The following SHCBP1L variants were observed in gnomAD, a reference collection of about 807,000 sequenced individuals.
SHCBP1L encodes the protein SHC binding and spindle associated 1 like.
SHCBP1L carries 67 observed loss-of-function variants against 62.5 expected under a neutral mutation model. The ratio of observed to expected loss-of-function variants is 1.07; its 90% CI spans 0.88 to 1.31. The LOEUF is 1.31. Among genes scored for constraint, SHCBP1L ranks in the 40% most tolerant of loss-of-function variants. The probability of loss-of-function intolerance (pLI) is 0.00; values close to 1 mark genes in which losing one functional copy is unlikely to be tolerated. For synonymous variants in SHCBP1L, 284 were observed against 289.4 expected (o/e 0.98, Z 0.19); for missense variants, 823 against 809.8 (o/e 1.02, Z -0.20).
intron 5 of SHCBP1L, among the ~76,000 whole-genome samples, chr1:182,933,531 T>A (rs977737400): frequency 6.6e-5 from 10 of 152,174 alleles, no homozygotes; most frequent in Non-Finnish European, 1.5e-4. Flanking sequence ...AAGTTTTTTT[T>A]AGAGTGTTTA....
At chr1:182,909,488 A>T (rs1407562945) in intron 6 of SHCBP1L, among the ~76,000 whole-genome samples, 1 of 152,230 alleles carries the variant, frequency 6.6e-6, no homozygotes, top group East Asian at 1.9e-4. Flanking sequence ...GTGGTAGAAA[A>T]AAATCAGGAG....
At chr1:182,944,583 C>T (rs1321685268) in intron 2 of SHCBP1L, 1 of 151,682 alleles carries the variant, frequency 6.6e-6, no homozygotes, top group Admixed American at 6.6e-5. Context: ...CAGAGGCAAC[C>T]ATTTTTAACT....
intron 8 of SHCBP1L, among the ~76,000 whole-genome samples, chr1:182,903,791 G>T (rs1053826932): frequency 1.3e-5 from 2 of 152,090 alleles, no homozygotes; most frequent in Admixed American, 1.3e-4. Flanking sequence ...ACTGTGCTTG[G>T]CCTCAAGTTT....
Position 182,952,771 on chromosome 1 carries a change from C to T in SHCBP1L, c.363G>A (p.Glu121=), listed in dbSNP as rs1292619286. 6.2e-7 allele frequency: 1 copy of T among 1,612,038 alleles called. No individual in the cohort carries two copies. Among genetic ancestry groups the T allele is most frequent in the Non-Finnish European group, 8.5e-7 (1 of 1,179,266 alleles). Residue 121 remains glutamate, a synonymous_variant, in exon 1 of 10, where the codon GAG becomes GAA. Transcript: ENST00000367547. ...CTTCGTCGCAATACAGCGACACCTT[C>T]TCGTCCCGCCACATCCCCCTCATAC... ...VSRMRGMWRD[E]KVSLYCDEVL... is the part of the protein sequence containing the mutation.
At chr1:182,925,820 T>C (rs567276168) in intron 6 of SHCBP1L, among the ~76,000 whole-genome samples, 1 of 152,176 alleles carries the variant, frequency 6.6e-6, no homozygotes, top group South Asian at 2.1e-4. Flanking sequence ...ATCCACCAAC[T>C]GATGAATGTA....
intron 1 of SHCBP1L, 154 bp downstream of exon 1, chr1:182,952,575 C>T (rs1651812983): frequency 1.2e-6 from 1 of 866,910 alleles, no homozygotes; most frequent in Non-Finnish European, 1.7e-6. Flanking sequence ...ACAAGGTGAA[C>T]GCTCTATACA....
intron 6 of SHCBP1L, among the ~76,000 whole-genome samples, chr1:182,907,559 A>ATTC (rs1049904575): frequency 2.7e-5 from 4 of 149,844 alleles, no homozygotes; most frequent in African/African-American, 7.4e-5. Flanking sequence ...TATCTTTCTT[A>ATTC]TTCTTATTAT....
intron 1 of SHCBP1L, 25 bp downstream of exon 1, chr1:182,952,704 G>C: frequency 6.4e-7 from 1 of 1,574,316 alleles, no homozygotes. Flanking sequence ...TCCGACCGTA[G>C]TCTTCCTGTC....
intron 6 of SHCBP1L, among the ~76,000 whole-genome samples, chr1:182,918,189 CACATATATAT>C (rs1557994221): frequency 2.1e-5 from 3 of 146,266 alleles, no homozygotes; most frequent in East Asian, 2.0e-4. Context: ...CATATATATA[CACATATATAT>C]ACATATATAT....
intron 5 of SHCBP1L, among the ~76,000 whole-genome samples, chr1:182,938,465 A>G (rs1311073104): frequency 1.3e-5 from 2 of 151,208 alleles, no homozygotes; most frequent in Non-Finnish European, 3.0e-5. Flanking sequence ...ACAAACAACA[A>G]CAACAACAAC....
At chr1:182,950,338 C>CTG (rs1651705295) in intron 2 of SHCBP1L, among the ~76,000 whole-genome samples, 2 of 152,008 alleles carry the variant, frequency 1.3e-5, no homozygotes, top group Non-Finnish European at 1.5e-5. Context: ...AAAGAAAAAT[C>CTG]TTATTAGGGC....
At chr1:182,911,361 G>A (rs75840362) in intron 6 of SHCBP1L, among the ~76,000 whole-genome samples, 2,421 of 152,168 alleles carry the variant, frequency 0.016, 64 homozygotes, top group African/African-American at 0.054. Flanking sequence ...ATAAACAACC[G>A]AAACAAACCC....
In SHCBP1L at chr1:182,904,420, C is replaced by T. The variant is rs777983657; in HGVS notation, c.1347G>A (p.Lys449=). The part of the protein sequence containing the change: ...TDDIIIKGVG[K]REEIMITSEP... ...CAGAAGTAATCATAATTTCCTCTCT[C>T]TTTCCAACTCCTGATTCATAGGGAT... The change falls in exon 8 of 10, where the codon AAG becomes AAA. Residue 449 remains lysine, a synonymous_variant. Coordinates refer to ENST00000367547, the MANE Select transcript of SHCBP1L (RefSeq NM_030933.4). 2 of 1,613,994 alleles carry T rather than the reference C, an allele frequency of 1.2e-6. No homozygotes were observed. The highest frequency in any genetic ancestry group is 1.7e-5 in the Admixed American group (1 of 60,020).
chr1:182,912,597 A>G (rs1182175433), intron 6 of SHCBP1L, among the ~76,000 whole-genome samples: 1 of 151,418 alleles, frequency 6.6e-6, no homozygotes, highest in Non-Finnish European at 1.5e-5. Flanking sequence ...ATCTCGGTTC[A>G]TTGCAACCTC....
chr1:182,909,389 T>C (rs538308906), intron 6 of SHCBP1L, among the ~76,000 whole-genome samples: 8 of 152,238 alleles, frequency 5.3e-5, no homozygotes, highest in Non-Finnish European at 1.2e-4. Flanking sequence ...GAGGGAAAGA[T>C]AGCAACCTAG....
intron 2 of SHCBP1L, among the ~76,000 whole-genome samples, chr1:182,943,578 C>G (rs1172426147): frequency 1.3e-5 from 2 of 151,542 alleles, no homozygotes; most frequent in Non-Finnish European, 2.9e-5. Flanking sequence ...TCCCAAGTAG[C>G]TGGGATTACA....
chr1:182,951,736 T>A (rs1468351128), intron 1 of SHCBP1L, among the ~76,000 whole-genome samples: 1 of 152,166 alleles, frequency 6.6e-6, no homozygotes, highest in Admixed American at 6.5e-5. Flanking sequence ...ATTTTCAACT[T>A]TTTATAAATA....
chr1:182,950,083 G>T (rs1651697465), intron 2 of SHCBP1L, among the ~76,000 whole-genome samples: 1 of 152,008 alleles, frequency 6.6e-6, no homozygotes, highest in African/African-American at 2.4e-5. Flanking sequence ...ACGCCCAGCC[G>T]CCATTCTTTA....
At chr1:182,930,616 TA>T (rs1181758695) in intron 5 of SHCBP1L, among the ~76,000 whole-genome samples, 6 of 134,060 alleles carry the variant, frequency 4.5e-5, no homozygotes, top group African/African-American at 1.4e-4. Flanking sequence ...CATATATATA[TA>T]TTTTTTATTA....
Sources: gnomAD v4.1 joint callset for allele counts (sites outside exome capture counted in the v4.1 genomes callset) on GRCh38, gnomAD v4.1.1 for gene constraint, MANE v1.5 for transcripts, NCBI Gene and HGNC (gene_info 2026-07-23, HGNC 2026-07-21) for gene names.